The following SNX6 variants were observed in gnomAD, a reference collection of about 807,000 sequenced individuals.
SNX6 encodes sorting nexin 6.
Under a neutral mutation model 63.0 loss-of-function variants are expected in SNX6, and 34 were observed. The observed-to-expected ratio is 0.54, with a 90% CI of 0.41 to 0.72. The LOEUF (loss-of-function observed/expected upper bound fraction) is 0.72. SNX6 is among the 30% of genes least tolerant of loss of function. The probability of loss-of-function intolerance (pLI) is 0.00; values close to 1 mark genes in which losing one functional copy is unlikely to be tolerated. For missense variants in SNX6, 398 were observed against 471.4 expected (o/e 0.84, Z 1.44); for synonymous variants, 170 against 164.2 (o/e 1.04, Z -0.27).
At chr14:34,580,379 T>C (rs940537934) in intron 10 of SNX6, among the ~76,000 whole-genome samples, 4 of 152,112 alleles carry the variant, frequency 2.6e-5, no homozygotes, top group Admixed American at 6.6e-5. Flanking sequence ...CATAACTCAC[T>C]ATAACCTTGA....
At chr14:34,603,504 A>C (rs754519545) in intron 5 of SNX6, 33 bp from the exon 6 acceptor site, 1 of 1,514,146 alleles carries the variant, frequency 6.6e-7, no homozygotes, top group Non-Finnish European at 8.8e-7. Context: ...AAGGTAAAAA[A>C]CTCCATCAAC....
rs755025363 is a variant in SNX6, at chr14:34,563,118, T to C, written c.*4A>G. 2 of 1,613,506 alleles carry C rather than the reference T, an allele frequency of 1.2e-6. No individual in the cohort carries two copies. Among genetic ancestry groups the C allele is most frequent in the Non-Finnish European group, 1.7e-6 (2 of 1,179,722 alleles). ...CCCTTTTTAACAGGAAGGCGGAGTG[T>C]GGCTTATGTGTCTCCATTTAACACT... On this transcript the variant is annotated 3_prime_UTR_variant, in exon 14 of 14. Coordinates refer to ENST00000362031, the MANE Select transcript of SNX6 (RefSeq NM_152233.4).
At chr14:34,589,130 G>C (rs1269135285) in intron 8 of SNX6, among the ~76,000 whole-genome samples, 3 of 151,820 alleles carry the variant, frequency 2.0e-5, no homozygotes, top group Non-Finnish European at 4.4e-5. Context: ...GACAGAGTGA[G>C]ATTCTGTATC....
chr14:34,580,450 C>T (rs1181429178), intron 10 of SNX6, among the ~76,000 whole-genome samples: 2 of 150,544 alleles, frequency 1.3e-5, no homozygotes, highest in African/African-American at 4.9e-5. Context: ...TACAGTTGTG[C>T]GCCACCACGC....
intron 11 of SNX6, 140 bp from the exon 12 acceptor site, chr14:34,568,153 T>C: frequency 1.5e-6 from 1 of 684,112 alleles, no homozygotes; most frequent in Non-Finnish European, 2.2e-6. Context: ...AATTTTTTTT[T>C]TTTTTTTTGA....
rs548308829 is a variant in SNX6, at chr14:34,595,046, T to C, written c.613-1896A>G. ...GGCAGAGGTTGCAGTGAGCCGAGAT[T>C]GGGGCACTGCACAGCAGCCTAAGGC... On this transcript the variant is annotated intron_variant, in intron 7 of 13. Coordinates refer to ENST00000362031, the MANE Select transcript of SNX6 (RefSeq NM_152233.4). Among the ~76,000 whole-genome samples, 216 of 152,182 alleles carry C rather than the reference T, an allele frequency of 1.4e-3. 1 individual carries two copies. Among genetic ancestry groups the C allele is most frequent in the Middle Eastern group, 3.4e-3 (1 of 294 alleles).
rs1594696040 is a variant in SNX6 at position 34,571,894 on chromosome 14, T to C, written c.921+3862A>G. ...TTTCAATAGAGATAGGATTGGGCTATGTTGCCAGGCTGGTCTTGAATTCCT... is the reference window on the plus strand; with the variant it reads ...TTTCAATAGAGATAGGATTGGGCTACGTTGCCAGGCTGGTCTTGAATTCCT... On this transcript the variant is annotated intron_variant, in intron 11 of 13. Transcript: ENST00000362031. Among the ~76,000 whole-genome samples, 3 of 152,182 alleles carry C rather than the reference T, an allele frequency of 2.0e-5. No homozygotes were observed. In the East Asian group the frequency reaches 5.8e-4, roughly 29 times the overall value.
chr14:34,605,001 GA>G (rs1190656404), intron 5 of SNX6, among the ~76,000 whole-genome samples: 4 of 152,084 alleles, frequency 2.6e-5, no homozygotes, highest in Non-Finnish European at 4.4e-5. Context: ...AGTAACTAAA[GA>G]ATAGTTAAAA....
At chr14:34,603,757 A>G (rs560815044) in intron 5 of SNX6, among the ~76,000 whole-genome samples, 1 of 152,278 alleles carries the variant, frequency 6.6e-6, no homozygotes, top group Non-Finnish European at 1.5e-5. Flanking sequence ...AGTTAACTAT[A>G]GGGCTGCTTG....
intron 8 of SNX6, among the ~76,000 whole-genome samples, chr14:34,589,561 C>T (rs1000958577): frequency 6.6e-6 from 1 of 152,086 alleles, no homozygotes; most frequent in Non-Finnish European, 1.5e-5. Flanking sequence ...CACAGTGGCT[C>T]ACGCCTGTAA....
chr14:34,567,571 A>G, intron 13 of SNX6, 115 bp downstream of exon 13: 1 of 773,192 alleles, frequency 1.3e-6, no homozygotes, highest in East Asian at 2.7e-5. Context: ...CCAGTTCAGG[A>G]ATAGTTGTCA....
chr14:34,605,776 T>A, intron 4 of SNX6, 59 bp from the exon 5 acceptor site: 1 of 1,564,692 alleles, frequency 6.4e-7, no homozygotes, highest in Non-Finnish European at 8.6e-7. Flanking sequence ...AGCATTGTAC[T>A]ACTGCCACCA....
chr14:34,610,873 A>T (rs1883201441), intron 2 of SNX6, among the ~76,000 whole-genome samples: 1 of 152,308 alleles, frequency 6.6e-6, no homozygotes, highest in East Asian at 1.9e-4. Context: ...GGACTTAGAG[A>T]ATCTCACCTG....
At chr14:34,578,324 C>A (rs1299581575) in intron 10 of SNX6, among the ~76,000 whole-genome samples, 1 of 151,966 alleles carries the variant, frequency 6.6e-6, no homozygotes, top group Non-Finnish European at 1.5e-5. Flanking sequence ...GAAATTACCG[C>A]CAAAATAAAA....
intron 2 of SNX6, among the ~76,000 whole-genome samples, chr14:34,620,623 A>G (rs1216010917): frequency 6.6e-6 from 1 of 151,990 alleles, no homozygotes; most frequent in Non-Finnish European, 1.5e-5. Flanking sequence ...TCAACCTTTA[A>G]AACAAAAAAA....
chr14:34,570,132 G>C (rs1881378685), intron 11 of SNX6, among the ~76,000 whole-genome samples: 1 of 151,452 alleles, frequency 6.6e-6, no homozygotes, highest in Non-Finnish European at 1.5e-5. Context: ...GCAATGGCGC[G>C]ATCTCAGCTC....
intron 10 of SNX6, among the ~76,000 whole-genome samples, chr14:34,578,652 G>T (rs1270566613): frequency 5.1e-5 from 5 of 98,878 alleles, no homozygotes; most frequent in African/African-American, 1.6e-4. Context: ...AAAAAAAAAA[G>T]TTAAGGGGCC....
chr14:34,617,910 G>T (rs1467282130), intron 2 of SNX6, among the ~76,000 whole-genome samples: 1 of 147,730 alleles, frequency 6.8e-6, no homozygotes, highest in Non-Finnish European at 1.5e-5. Flanking sequence ...GACAGAGCAA[G>T]ACTGCCTCCA....
intron 13 of SNX6, among the ~76,000 whole-genome samples, chr14:34,565,292 T>C (rs902556976): frequency 4.6e-5 from 7 of 151,748 alleles, no homozygotes; most frequent in African/African-American, 7.3e-5. Flanking sequence ...GTAGCCAGGA[T>C]GGTCTCGATC....
Sources: allele counts gnomAD v4.1 joint callset (sites outside exome capture counted in the v4.1 genomes callset), GRCh38; gene constraint gnomAD v4.1.1; transcripts MANE v1.5; gene names NCBI Gene and HGNC (gene_info 2026-07-23, HGNC 2026-07-21).